Variants in LINGO2 observed in about 807,000 individuals in gnomAD.
LINGO2 encodes leucine-rich repeat and immunoglobulin-like domain-containing nogo receptor-interacting protein 2.
Under a neutral mutation model 30.6 loss-of-function variants are expected in LINGO2, and 14 were observed. The observed-to-expected ratio is 0.46, with a 90% CI of 0.30 to 0.72. LINGO2 has a LOEUF of 0.72. LINGO2 is among the 30% of genes least tolerant of loss of function. The pLI is 0.07. For missense variants in LINGO2, 729 were observed against 751.7 expected (o/e 0.97, Z 0.35); for synonymous variants, 317 against 288.5 (o/e 1.10, Z -1.00).
chr9:28,656,945 A>T (rs554981226), intron 1 of LINGO2, among the ~76,000 whole-genome samples: 1 of 152,136 alleles, frequency 6.6e-6, no homozygotes, highest in African/African-American at 2.4e-5. Flanking sequence ...CTCTGCGGAT[A>T]GATCAACATA....
At chr9:28,566,472 T>C (rs976491348) in intron 1 of LINGO2, among the ~76,000 whole-genome samples, 2 of 152,148 alleles carry the variant, frequency 1.3e-5, no homozygotes, top group African/African-American at 4.8e-5. Flanking sequence ...GCTTTTCAAC[T>C]GCTAAATAGG....
chr9:28,258,262 T>C (rs1454489402), intron 4 of LINGO2, among the ~76,000 whole-genome samples: 2 of 151,900 alleles, frequency 1.3e-5, no homozygotes, highest in African/African-American at 2.4e-5. Flanking sequence ...CTGAAAAATA[T>C]ATTTTTAATT....
At chr9:27,972,103 G>A (rs1433802829) in intron 5 of LINGO2, among the ~76,000 whole-genome samples, 1 of 152,040 alleles carries the variant, frequency 6.6e-6, no homozygotes, top group Non-Finnish European at 1.5e-5. Context: ...TTATAAAAAG[G>A]AATTAAAAAA....
At chr9:28,038,568 C>T (rs529019230) in intron 4 of LINGO2, among the ~76,000 whole-genome samples, 2 of 152,108 alleles carry the variant, frequency 1.3e-5, no homozygotes, top group South Asian at 4.1e-4. Flanking sequence ...TGGTGGGCGC[C>T]TGTAGTCCCA....
intron 1 of LINGO2, among the ~76,000 whole-genome samples, chr9:28,622,442 C>A (rs927488182): frequency 1.3e-5 from 2 of 151,764 alleles, no homozygotes; most frequent in African/African-American, 4.8e-5. Context: ...TGAGAACTTA[C>A]AATGTTTGTC....
intron 2 of LINGO2, among the ~76,000 whole-genome samples, chr9:28,427,061 CT>C (rs1329294071): frequency 6.6e-6 from 1 of 152,080 alleles, no homozygotes; most frequent in African/African-American, 2.4e-5. Context: ...GGTTTCATAC[CT>C]CTCAGCTGCT....
chr9:28,880,474 G>A, the LINGO2 span, among the ~76,000 whole-genome samples: 5 of 152,126 alleles, frequency 3.3e-5, no homozygotes, highest in Admixed American at 3.3e-4. Context: ...AAAAGTCATC[G>A]CCATTCTCTA....
intron 1 of LINGO2, among the ~76,000 whole-genome samples, chr9:28,610,833 T>A (rs964619552): frequency 6.6e-6 from 1 of 152,202 alleles, no homozygotes; most frequent in Non-Finnish European, 1.5e-5. Flanking sequence ...AGTCAAGTAA[T>A]CACTTTCTCC....
chr9:28,216,384 G>A (rs546063575), intron 4 of LINGO2, among the ~76,000 whole-genome samples: 3 of 151,832 alleles, frequency 2.0e-5, no homozygotes, highest in South Asian at 4.1e-4. Context: ...TGGGAGGAGT[G>A]GTTGTTAGTA....
the LINGO2 span, among the ~76,000 whole-genome samples, chr9:28,774,860 A>AG: frequency 0.011 from 1 of 92 alleles, no homozygotes; most frequent in African/African-American, 0.038. Flanking sequence ...TGTTTCCCCT[A>AG]TTTTAACAGC....
chr9:28,237,247 C>T (rs1821607349), intron 4 of LINGO2, among the ~76,000 whole-genome samples: 1 of 151,470 alleles, frequency 6.6e-6, no homozygotes, highest in African/African-American at 2.4e-5. Flanking sequence ...ATTTGCAAGG[C>T]TCACAGAAAC....
intron 5 of LINGO2, chr9:28,012,216 C>T (rs981941551): frequency 2.0e-5 from 3 of 151,800 alleles, no homozygotes; most frequent in Non-Finnish European, 2.9e-5. Context: ...GAAAGGGAAA[C>T]TGAGAAGCAT....
At chr9:28,506,419 TATACAC>T (rs1250368989) in intron 1 of LINGO2, among the ~76,000 whole-genome samples, 3 of 3,348 alleles carry the variant, frequency 9.0e-4, no homozygotes, top group African/African-American at 1.5e-3. Flanking sequence ...TATATATATA[TATACAC>T]ACACACACAC....
At chr9:28,172,380 G>C (rs1420460895) in intron 4 of LINGO2, among the ~76,000 whole-genome samples, 9 of 146,856 alleles carry the variant, frequency 6.1e-5, no homozygotes, top group Non-Finnish European at 1.5e-5. Context: ...GACAGAGCGA[G>C]ACTCCGTCTC....
At chr9:28,371,796 C>G (rs1820908475) in intron 3 of LINGO2, among the ~76,000 whole-genome samples, 1 of 152,064 alleles carries the variant, frequency 6.6e-6, no homozygotes, top group African/African-American at 2.4e-5. Flanking sequence ...CTCTTTGCCC[C>G]AATTATTTGG....
intron 1 of LINGO2, among the ~76,000 whole-genome samples, chr9:28,569,230 G>C (rs1046577129): frequency 2.6e-5 from 4 of 151,880 alleles, no homozygotes; most frequent in Non-Finnish European, 5.9e-5. Context: ...ACAGTATGGA[G>C]GTTCCTGAAA....
At chr9:28,368,825 T>C (rs1820787396) in intron 3 of LINGO2, among the ~76,000 whole-genome samples, 2 of 152,084 alleles carry the variant, frequency 1.3e-5, no homozygotes, top group Admixed American at 1.3e-4. Context: ...CTCGATCTCC[T>C]GACCTCGTGA....
At chr9:28,001,704 G>GA (rs34602365) in intron 5 of LINGO2, among the ~76,000 whole-genome samples, 41,247 of 149,850 alleles carry the variant, frequency 0.28, 6,650 homozygotes, top group East Asian at 0.45. Context: ...GGGCAGAAAG[G>GA]AAAAAAAAAG....
At chr9:28,502,051 G>C (rs1819908646) in intron 1 of LINGO2, among the ~76,000 whole-genome samples, 1 of 151,380 alleles carries the variant, frequency 6.6e-6, no homozygotes, top group East Asian at 2.0e-4. Flanking sequence ...ATGGATAAAG[G>C]GAAGAAAGGA....
Sources: gnomAD v4.1 joint callset for allele counts (sites outside exome capture counted in the v4.1 genomes callset) on GRCh38, gnomAD v4.1.1 for gene constraint, MANE v1.5 for transcripts, NCBI Gene and HGNC (gene_info 2026-07-23, HGNC 2026-07-21) for gene names.